CDH2: variants seen among roughly 807,000 people sequenced by gnomAD.
The protein encoded by CDH2 is cadherin-2.
A neutral mutation model predicts 92.0 loss-of-function variants in CDH2; 17 were observed. The ratio of observed to expected loss-of-function variants is 0.18; its 90% CI spans 0.13 to 0.28. The LOEUF (loss-of-function observed/expected upper bound fraction) is 0.28, where lower values mean the gene tolerates loss of function less well. Among genes scored for constraint, CDH2 ranks in the 10% least tolerant of loss-of-function variants. The pLI, the probability that CDH2 is intolerant of heterozygous loss-of-function variation, is 1.00. For missense variants in CDH2, 862 were observed against 1,133.1 expected (o/e 0.76, Z 3.44); for synonymous variants, 419 against 415.9 (o/e 1.01, Z -0.09).
chr18:28,133,229 C>A (rs1017281520), intron 2 of CDH2, among the ~76,000 whole-genome samples: 1 of 152,128 alleles, frequency 6.6e-6, no homozygotes, highest in Non-Finnish European at 1.5e-5. Flanking sequence ...ATCTGAATTT[C>A]CATATCTGTA....
intron 2 of CDH2, among the ~76,000 whole-genome samples, chr18:28,072,543 A>G (rs2014638825): frequency 6.6e-6 from 1 of 152,192 alleles, no homozygotes; most frequent in African/African-American, 2.4e-5. Context: ...GGACTCTGTT[A>G]AACACTTGTA....
chr18:28,117,508 C>T (rs879923444), intron 2 of CDH2, among the ~76,000 whole-genome samples: 4 of 152,024 alleles, frequency 2.6e-5, no homozygotes, highest in Non-Finnish European at 1.5e-5. Context: ...CCATGCTGTA[C>T]CACAGACACC....
In CDH2 at chr18:27,985,514, T is replaced by C; in HGVS notation, c.1975+14A>G. 6.5e-7 allele frequency: 1 copy of C among 1,528,228 alleles called. No homozygotes were observed. Among genetic ancestry groups the C allele is most frequent in the Non-Finnish European group, 9.0e-7 (1 of 1,106,338 alleles). 94.7% of individuals were successfully genotyped at this position (1,528,228 alleles called of 1,614,324 possible). On this transcript the variant is annotated intron_variant, in intron 12 of 15. Coordinates refer to ENST00000269141, the MANE Select transcript of CDH2 (RefSeq NM_001792.5). ...TCAACTGCACATATATTCAAATAATTAACCTGTTCTTACCATTAAGCCGAG... is the reference window on the plus strand; with the variant it reads ...TCAACTGCACATATATTCAAATAATCAACCTGTTCTTACCATTAAGCCGAG...
intron 2 of CDH2, among the ~76,000 whole-genome samples, chr18:28,027,058 T>C (rs757749633): frequency 2.6e-5 from 4 of 152,018 alleles, no homozygotes; most frequent in Non-Finnish European, 5.9e-5. Context: ...TAATACAAGA[T>C]CAAGCCCACA....
chr18:28,160,269 G>A (rs1276744969), intron 1 of CDH2, among the ~76,000 whole-genome samples: 1 of 152,108 alleles, frequency 6.6e-6, no homozygotes, highest in African/African-American at 2.4e-5. Flanking sequence ...CAATTTGGGT[G>A]AGGGATGCCA....
intron 2 of CDH2, among the ~76,000 whole-genome samples, chr18:28,138,602 G>C (rs1324483675): frequency 1.3e-5 from 2 of 152,066 alleles, no homozygotes; most frequent in Admixed American, 1.3e-4. Flanking sequence ...AAGGAGCCAA[G>C]GTGATTATGT....
At chr18:28,097,420 T>C (rs1353692613) in intron 2 of CDH2, among the ~76,000 whole-genome samples, 1 of 151,952 alleles carries the variant, frequency 6.6e-6, no homozygotes, top group Non-Finnish European at 1.5e-5. Context: ...CAGTGGCTAA[T>C]GTCTATTATC....
intron 2 of CDH2, among the ~76,000 whole-genome samples, chr18:28,111,487 G>C (rs1037465021): frequency 2.6e-5 from 4 of 152,140 alleles, no homozygotes; most frequent in Admixed American, 2.6e-4. Flanking sequence ...TAATTTGTGG[G>C]AGCAAAACGA....
chr18:28,072,933 C>T (rs2014647463), intron 2 of CDH2, among the ~76,000 whole-genome samples: 1 of 127,772 alleles, frequency 7.8e-6, no homozygotes, highest in African/African-American at 2.9e-5. Flanking sequence ...GATCTATATA[C>T]ACACATATAT....
At chr18:28,132,782 CT>C (rs1447658969) in intron 2 of CDH2, among the ~76,000 whole-genome samples, 1 of 152,214 alleles carries the variant, frequency 6.6e-6, no homozygotes, top group East Asian at 1.9e-4. Context: ...TCACAGACTG[CT>C]TATGGCCTTT....
In CDH2 at chr18:28,090,783, T is replaced by C. The variant is rs202146331; in HGVS notation, c.172+56890A>G. 1.1e-4 allele frequency among the ~76,000 whole-genome samples: 16 copies of C among 152,314 alleles called. No homozygotes were observed. The East Asian group carries it at 2.7e-3, about 26-fold the overall frequency. ...GTACTGAAGAATGTTGTATCCATCA[T>C]AGCCTACAAATACCCAGAAGCCAGT... On this transcript the variant is annotated intron_variant, in intron 2 of 15. Coordinates refer to ENST00000269141, the MANE Select transcript of CDH2 (RefSeq NM_001792.5).
At chr18:28,104,398 T>A (rs985285563) in intron 2 of CDH2, among the ~76,000 whole-genome samples, 1 of 152,050 alleles carries the variant, frequency 6.6e-6, no homozygotes, top group African/African-American at 2.4e-5. Flanking sequence ...AAATCAAGGA[T>A]AACAAACAGA....
In CDH2 at chr18:28,018,459, T is replaced by C. The variant is rs187732604; in HGVS notation, c.173-4550A>G. 9.2e-5 allele frequency among the ~76,000 whole-genome samples: 14 copies of C among 151,952 alleles called. No individual in the cohort carries two copies. The East Asian group carries it at 2.7e-3, about 30-fold the overall frequency. ...AGCAAGACTAAGCAAAATGAACAAATCTGGAGGTATTACATTACTTGACCT... is the reference window on the plus strand; with the variant it reads ...AGCAAGACTAAGCAAAATGAACAAACCTGGAGGTATTACATTACTTGACCT... On this transcript the variant is annotated intron_variant, in intron 2 of 15. Coordinates refer to ENST00000269141, the MANE Select transcript of CDH2 (RefSeq NM_001792.5).
At chr18:28,001,816 T>TG (rs1283960113) in intron 7 of CDH2, among the ~76,000 whole-genome samples, 27 of 152,248 alleles carry the variant, frequency 1.8e-4, no homozygotes, top group Admixed American at 1.6e-3. Context: ...TGTGAACAAT[T>TG]GCAATAGTAA....
At chr18:28,034,660 C>G (rs932647761) in intron 2 of CDH2, among the ~76,000 whole-genome samples, 1 of 150,494 alleles carries the variant, frequency 6.6e-6, no homozygotes, top group African/African-American at 2.5e-5. Flanking sequence ...TATGTCATCA[C>G]AAAAAGAAAA....
chr18:28,085,294 C>T (rs1313933167), intron 2 of CDH2, among the ~76,000 whole-genome samples: 1 of 152,074 alleles, frequency 6.6e-6, no homozygotes, highest in Admixed American at 6.6e-5. Context: ...TTCTCTTACA[C>T]TTCCACAAAC....
intron 2 of CDH2, among the ~76,000 whole-genome samples, chr18:28,034,867 A>G (rs17522756): frequency 1.1e-3 from 171 of 152,184 alleles, no homozygotes; most frequent in Middle Eastern, 3.4e-3. Flanking sequence ...TCCAAATTCT[A>G]TATCTCATCC....
At chr18:28,018,135 A>G (rs1044523332) in intron 2 of CDH2, among the ~76,000 whole-genome samples, 42 of 151,662 alleles carry the variant, frequency 2.8e-4, no homozygotes, top group South Asian at 1.0e-3. Flanking sequence ...GAATCAAATC[A>G]AGAACTCACC....
intron 15 of CDH2, chr18:27,959,399 ATAT>A (rs1742255824): frequency 6.6e-6 from 1 of 152,226 alleles, no homozygotes; most frequent in Non-Finnish European, 1.5e-5. Flanking sequence ...AATCACCACT[ATAT>A]TATTCTTCCT....
Sources: gnomAD v4.1 joint callset for allele counts (sites outside exome capture counted in the v4.1 genomes callset) on GRCh38, gnomAD v4.1.1 for gene constraint, MANE v1.5 for transcripts, NCBI Gene and HGNC (gene_info 2026-07-23, HGNC 2026-07-21) for gene names.